POLR3K: variants seen among roughly 807,000 people sequenced by gnomAD.
The protein encoded by POLR3K is RNA polymerase III subunit K, also known as DNA-directed RNA polymerase III subunit RPC10.
POLR3K carries 11 observed loss-of-function variants against 13.5 expected under a neutral mutation model. The observed-to-expected ratio is 0.81, with a 90% CI of 0.51 to 1.35. POLR3K has a LOEUF of 1.35. Among genes scored for constraint, POLR3K ranks in the 40% most tolerant of loss-of-function variants. The pLI is 0.00. For synonymous variants in POLR3K, 56 were observed against 51.5 expected (o/e 1.09, Z -0.38); for missense variants, 144 against 145.3 (o/e 0.99, Z 0.05).
intron 1 of POLR3K, 109 bp downstream of exon 1, chr16:53,367 A>C: frequency 6.9e-7 from 1 of 1,453,024 alleles, no homozygotes; most frequent in Non-Finnish European, 9.1e-7. Context: ...GGGCGCGAGA[A>C]AGAGCGGACA....
At chr16:49,479 A>G (rs1897311620) in intron 2 of POLR3K, among the ~76,000 whole-genome samples, 2 of 149,382 alleles carry the variant, frequency 1.3e-5, no homozygotes, top group Admixed American at 1.3e-4. Context: ...TATTTCTGAC[A>G]TTAGGTAAAA....
At chr16:48,635 C>T (rs1316691633) in intron 2 of POLR3K, among the ~76,000 whole-genome samples, 1 of 151,496 alleles carries the variant, frequency 6.6e-6, no homozygotes, top group African/African-American at 2.4e-5. Flanking sequence ...CATGGTGAAA[C>T]CCCGTCTCTA....
At chr16:48,378 G>C (rs1897302056) in intron 2 of POLR3K, among the ~76,000 whole-genome samples, 1 of 152,144 alleles carries the variant, frequency 6.6e-6, no homozygotes, top group African/African-American at 2.4e-5. Flanking sequence ...TCCAGCTGAA[G>C]GCTGGTTGGA....
chr16:53,382 C>T lies in POLR3K; in HGVS notation c.111+94G>A. ...GGGCGCGAGAAAGAGCGGACAGAGG[C>T]AGACGCCGGGGCTGGCGGCGATGGA... On this transcript the variant is annotated intron_variant, in intron 1 of 2. Coordinates refer to ENST00000293860, the MANE Select transcript of POLR3K (RefSeq NM_016310.5). 6 of 1,480,718 alleles carry T rather than the reference C, an allele frequency of 4.1e-6. No individual in the cohort carries two copies. The South Asian group carries it at 8.1e-5, about 20-fold the overall frequency. 91.7% of individuals were successfully genotyped at this position (1,480,718 alleles called of 1,614,324 possible).
chr16:49,881 G>A (rs1284463554), intron 2 of POLR3K, among the ~76,000 whole-genome samples: 3 of 151,974 alleles, frequency 2.0e-5, no homozygotes, highest in Non-Finnish European at 4.4e-5. Context: ...CTCGTGATCC[G>A]CCCACATTGG....
rs560114759 is a variant in POLR3K, at chr16:47,147, C to A, written c.*283G>T. 2 of 201,312 alleles carry A rather than the reference C, an allele frequency of 9.9e-6. No individual in the cohort carries two copies. The highest frequency in any genetic ancestry group is 1.2e-4 in the Admixed American group (2 of 16,814). The allele number at this position is 201,312 out of a possible 1,614,324, so 12.5% of individuals were successfully genotyped here. ...ATTGGGAGTAAGGGAATGTCAACTGCCAATAAAGTGGAAGATGAAAGAATA... is the reference window on the plus strand; with the variant it reads ...ATTGGGAGTAAGGGAATGTCAACTGACAATAAAGTGGAAGATGAAAGAATA... On this transcript the variant is annotated 3_prime_UTR_variant, in exon 3 of 3. Coordinates refer to ENST00000293860, the MANE Select transcript of POLR3K (RefSeq NM_016310.5).
rs1437827912 is a variant in POLR3K, at chr16:47,430, C to A, written c.327G>T (p.Ter109TyrextTer29). The change falls in exon 3 of 3, where the codon TAG (stop) becomes TAT (tyrosine). Residue 109 changes from the stop codon to tyrosine, a stop_lost. Transcript: ENST00000293860. Reference protein sequence around the residue: ...NAQCGHRWRD* With the variant: ...NAQCGHRWRDY Reference sequence around the variant, plus strand: ...CTAGGGCAGCTGGGCCATCCTGGCCCTAATCCCTCCAGCGGTGTCCACACT... The same window carrying A: ...CTAGGGCAGCTGGGCCATCCTGGCCATAATCCCTCCAGCGGTGTCCACACT... The A allele has an allele frequency of 6.2e-7, 1 of 1,612,192 alleles. No individual in the cohort carries two copies. Among genetic ancestry groups the A allele is most frequent in the South Asian group, 1.1e-5 (1 of 91,026 alleles).
chr16:52,498 G>C (rs1249151351), intron 1 of POLR3K, among the ~76,000 whole-genome samples: 1 of 133,328 alleles, frequency 7.5e-6, no homozygotes, highest in Non-Finnish European at 1.6e-5. Flanking sequence ...GGTCGGGCGC[G>C]GTGGCTCACG....
chr16:51,393 G>A (rs934240892), intron 2 of POLR3K, among the ~76,000 whole-genome samples, 165 bp downstream of exon 2: 1 of 152,202 alleles, frequency 6.6e-6, no homozygotes, highest in Admixed American at 6.5e-5. Context: ...TTGCTTGTCT[G>A]ACAGATTATT....
chr16:52,765 C>CAAAAA lies in POLR3K; in HGVS notation c.111+706_111+710dup, dbSNP rs946489081. ...TGGGCGACAGAGCGGGACTCCGTCT[C>CAAAAA]AAAAAAAAAAAAAAAAAAAAAAAAA... On this transcript the variant is annotated intron_variant, in intron 1 of 2. Transcript: ENST00000293860. Among the ~76,000 whole-genome samples, 146 of 33,442 alleles carry CAAAAA rather than the reference C, an allele frequency of 4.4e-3. 9 individuals are homozygous for CAAAAA. The highest frequency in any genetic ancestry group is 0.011 in the African/African-American group (109 of 10,238). 21.9% of individuals were successfully genotyped at this position (33,442 alleles called of 152,430 possible). A position where few individuals can be genotyped will look rare whatever the true frequency, so the allele number is the denominator to read the frequency against.
At chr16:48,704 G>A (rs1281454845) in intron 2 of POLR3K, among the ~76,000 whole-genome samples, 2 of 151,764 alleles carry the variant, frequency 1.3e-5, no homozygotes, top group Non-Finnish European at 2.9e-5. Flanking sequence ...CCAGCTACTC[G>A]GGAGGCTGAG....
At chr16:52,781 A>AT (rs1567150853) in intron 1 of POLR3K, among the ~76,000 whole-genome samples, 8 of 25,722 alleles carry the variant, frequency 3.1e-4, no homozygotes, top group African/African-American at 1.0e-3. Context: ...AAAAAAAAAA[A>AT]AAAAAAAAAA....
At position 51,626 on chromosome 16, in the gene POLR3K, G is replaced by C. The variant is rs555828301; in HGVS notation, c.131C>G (p.Pro44Arg). The change falls in exon 2 of 3, where the codon CCA becomes CGA. Residue 44 changes from proline to arginine, a missense_variant. Transcript: ENST00000293860. ...ITRKVTNRKYPKLKEVDDVLG... is the reference protein window; with the variant it reads ...ITRKVTNRKYRKLKEVDDVLG... ...CACATCATCCACTTCTTTCAGTTTT[G>C]GGTACTTCCGATTTGTTACCTAACA... 5 of 1,613,836 alleles carry C rather than the reference G, an allele frequency of 3.1e-6. No individual in the cohort carries two copies. In the East Asian group the frequency reaches 8.9e-5, roughly 29 times the overall value.
At chr16:47,641 G>A in intron 2 of POLR3K, 84 bp from the exon 3 acceptor site, 3 of 1,441,938 alleles carry the variant, frequency 2.1e-6, no homozygotes, top group Non-Finnish European at 2.8e-6. Context: ...TTAATATGTG[G>A]GAGGCCAAGG....
chr16:49,012 C>T (rs559378843), intron 2 of POLR3K, among the ~76,000 whole-genome samples: 50 of 151,420 alleles, frequency 3.3e-4, no homozygotes, highest in African/African-American at 1.2e-3. Context: ...ATTAGCCGGG[C>T]GTGGTGGCAG....
chr16:51,883 G>C (rs964092592), intron 1 of POLR3K: 11 of 366,464 alleles, frequency 3.0e-5, no homozygotes, highest in African/African-American at 1.7e-4. Flanking sequence ...AGCCCGGCGT[G>C]TTGGCGGGCG....
chr16:53,093 A>T (rs1453651598), intron 1 of POLR3K: 3 of 204,758 alleles, frequency 1.5e-5, no homozygotes, highest in African/African-American at 4.6e-5. Flanking sequence ...TCGGAGACGC[A>T]CGCAGGGGAG....
chr16:49,107 C>G (rs1267490025), intron 2 of POLR3K, among the ~76,000 whole-genome samples: 1 of 149,862 alleles, frequency 6.7e-6, no homozygotes, highest in African/African-American at 2.5e-5. Flanking sequence ...GAGCAGAGAT[C>G]GTGCCACTAC....
In POLR3K at chr16:47,186, A is replaced by T. The variant is rs1189909914; in HGVS notation, c.*244T>A. ...GATGAAAGAATAGGACTTTACACAG[A>T]GCATATTTAGTTATGGGTCTCTGTC... On this transcript the variant is annotated 3_prime_UTR_variant, in exon 3 of 3. Coordinates refer to ENST00000293860, the MANE Select transcript of POLR3K (RefSeq NM_016310.5). 1 of 334,620 alleles carries T rather than the reference A, an allele frequency of 3.0e-6. No homozygotes were observed. Among genetic ancestry groups the T allele is most frequent in the African/African-American group, 2.1e-5 (1 of 47,674 alleles). The allele number at this position is 334,620 out of a possible 1,614,324, so 20.7% of individuals were successfully genotyped here.
Sources: gnomAD v4.1 joint callset for allele counts (sites outside exome capture counted in the v4.1 genomes callset) on GRCh38, gnomAD v4.1.1 for gene constraint, MANE v1.5 for transcripts, NCBI Gene and HGNC (gene_info 2026-07-23, HGNC 2026-07-21) for gene names.